The following SPATA31F1 variants were observed in gnomAD, a reference collection of about 807,000 sequenced individuals.
SPATA31F1 encodes the protein protein SPATA31F1.
chr9:34,728,181 A>G, the SPATA31F1 span: 5 of 1,105,094 alleles, frequency 4.5e-6, no homozygotes, highest in Non-Finnish European at 6.5e-6. Context: ...TCAAGAAAAG[A>G]CTACAATCCT....
the SPATA31F1 span, chr9:34,728,168 T>G: frequency 8.0e-7 from 1 of 1,252,464 alleles, no homozygotes; most frequent in South Asian, 1.4e-5. Context: ...CCTTTGACTC[T>G]CATCAAGAAA....
At chr9:34,729,316 A>C in the SPATA31F1 span, 5 of 1,552,052 alleles carry the variant, frequency 3.2e-6, no homozygotes, top group African/African-American at 1.4e-5. Flanking sequence ...TCTGAACTCA[A>C]TTCATGGTGG....
At chr9:34,726,206 G>A in the SPATA31F1 span, 3 of 1,284,548 alleles carry the variant, frequency 2.3e-6, 1 homozygote, top group African/African-American at 1.4e-5. Context: ...AGAGACCTGA[G>A]GAGTATTCTT....
chr9:34,723,521 G>C, the SPATA31F1 span: 2 of 1,551,812 alleles, frequency 1.3e-6, no homozygotes, highest in African/African-American at 1.4e-5. Flanking sequence ...GGCCACCTTC[G>C]CAGCGGCTGA....
At chr9:34,729,254 TA>T in the SPATA31F1 span, 1 of 1,544,384 alleles carries the variant, frequency 6.5e-7, no homozygotes, top group African/African-American at 1.4e-5. Flanking sequence ...ATCTGAGGCT[TA>T]ATTAGTTCAG....
chr9:34,723,574 A>G, the SPATA31F1 span: 1 of 1,551,764 alleles, frequency 6.4e-7, no homozygotes, highest in South Asian at 1.2e-5. Flanking sequence ...TCTTGGGGTT[A>G]ATATGCTGCA....
At chr9:34,723,477 C>G in the SPATA31F1 span, 1 of 1,551,820 alleles carries the variant, frequency 6.4e-7, no homozygotes, top group Non-Finnish European at 8.7e-7. Context: ...TTGGCTGGAG[C>G]CAGGCTCTTT....
chr9:34,726,455 G>A, the SPATA31F1 span: 1 of 1,551,388 alleles, frequency 6.4e-7, no homozygotes, highest in Non-Finnish European at 8.7e-7. Context: ...TGGGTTCAGG[G>A]ACAGCAAGGA....
At chr9:34,726,921 A>G in the SPATA31F1 span, 1 of 1,551,722 alleles carries the variant, frequency 6.4e-7, no homozygotes, top group South Asian at 1.2e-5. Flanking sequence ...ACAGAATTGC[A>G]GATTTGGCAG....
the SPATA31F1 span, chr9:34,724,546 C>A: frequency 4.5e-6 from 7 of 1,549,092 alleles, no homozygotes; most frequent in Admixed American, 9.8e-5. Flanking sequence ...TCTCTAGGAC[C>A]TTTTTTCTCA....
the SPATA31F1 span, chr9:34,727,987 T>G: frequency 5.2e-6 from 8 of 1,544,764 alleles, no homozygotes; most frequent in African/African-American, 1.4e-5. Flanking sequence ...TAGGCCAGGC[T>G]GGTTGTTGAT....
chr9:34,728,099 C>G, the SPATA31F1 span: 1 of 1,551,300 alleles, frequency 6.4e-7, no homozygotes, highest in Non-Finnish European at 8.7e-7. Context: ...AACGGGGAGA[C>G]AGTGTTATAT....
chr9:34,726,159 A>G, the SPATA31F1 span: 1 of 1,273,536 alleles, frequency 7.9e-7, no homozygotes. Context: ...ACACATGAAC[A>G]CCAGGTCTGG....
chr9:34,726,944 C>T, the SPATA31F1 span: 3 of 1,551,344 alleles, frequency 1.9e-6, no homozygotes, highest in African/African-American at 4.1e-5. Context: ...GGGATCTGCA[C>T]ACAGGATTCG....
the SPATA31F1 span, chr9:34,725,745 T>C: frequency 0.67 from 1,037,644 of 1,546,872 alleles, 346,853 homozygotes; most frequent in South Asian, 0.79. Flanking sequence ...GATGGAGACA[T>C]CCAGTTTGGG....
At chr9:34,727,802 T>C in the SPATA31F1 span, among the ~76,000 whole-genome samples, 2 of 152,238 alleles carry the variant, frequency 1.3e-5, no homozygotes, top group Non-Finnish European at 2.9e-5. Context: ...ATTGTAGAAC[T>C]GCTGTTACCC....
At chr9:34,724,990 A>C in the SPATA31F1 span, 8 of 1,381,950 alleles carry the variant, frequency 5.8e-6, no homozygotes, top group Middle Eastern at 3.7e-4. Flanking sequence ...TACCTGGTAA[A>C]GCCTGTTGCT....
At chr9:34,727,138 G>T in the SPATA31F1 span, 1 of 1,404,184 alleles carries the variant, frequency 7.1e-7, no homozygotes, top group Non-Finnish European at 9.3e-7. Flanking sequence ...TCCTTGCTAA[G>T]AAAATGCCAT....
At chr9:34,728,448 A>G in the SPATA31F1 span, among the ~76,000 whole-genome samples, 5 of 152,182 alleles carry the variant, frequency 3.3e-5, no homozygotes, top group African/African-American at 1.2e-4. Context: ...ATTTTGGAAC[A>G]TTCTCAAGTT....
Sources: gnomAD v4.1 joint callset for allele counts (sites outside exome capture counted in the v4.1 genomes callset) on GRCh38, gnomAD v4.1.1 for gene constraint, MANE v1.5 for transcripts, NCBI Gene and HGNC (gene_info 2026-07-23, HGNC 2026-07-21) for gene names.